The following C11orf42 variants were observed in gnomAD, a reference collection of about 807,000 sequenced individuals.
The protein encoded by C11orf42 is uncharacterized protein C11orf42.
In C11orf42, 24 loss-of-function variants were observed where a neutral mutation model predicts 27.9. That is an observed-to-expected ratio of 0.86 (90% CI 0.62 to 1.21). The LOEUF (loss-of-function observed/expected upper bound fraction) is 1.21. Ranked by LOEUF, C11orf42 falls within the 50% of genes most tolerant of loss-of-function variation. C11orf42 has a pLI of 0.00. For missense variants in C11orf42, 455 were observed against 424.1 expected (o/e 1.07, Z -0.64); for synonymous variants, 187 against 180.8 (o/e 1.03, Z -0.28).
Position 6,210,973 on chromosome 11 carries a change from C to G in C11orf42, c.933C>G (p.Asp311Glu). 6.2e-7 allele frequency: 1 copy of G among 1,606,852 alleles called. No homozygotes were observed. The highest frequency in any genetic ancestry group is 8.5e-7 in the Non-Finnish European group (1 of 1,178,014). ...PPGAQGGGPR[D>E]PDGHSMSLPL... ...GAGCCCAGGGTGGGGGCCCCAGGGA[C>G]CCCGACGGGCACTCCATGTCCCTGC... Residue 311 changes from aspartate to glutamate, a missense_variant, in exon 3 of 3, where the codon GAC becomes GAG. Transcript: ENST00000316375. The surrounding 1 kb of genome is among the most constrained non-coding windows in gnomAD (Gnocchi z 4.0).
Position 6,210,711 on chromosome 11 carries a change from A to G in C11orf42, c.871+63A>G, listed in dbSNP as rs75369006. On this transcript the variant is annotated intron_variant, in intron 2 of 2. Coordinates refer to ENST00000316375, the MANE Select transcript of C11orf42 (RefSeq NM_173525.3). The surrounding 1 kb of genome is among the most constrained non-coding windows in gnomAD (Gnocchi z 4.0). ...GGACAAAGTGAAGGAGGGAGAAGGC[A>G]TGAGAATTAAGTATGTGAGGAATCC... 6.5e-7 allele frequency: 1 copy of G among 1,543,988 alleles called. No homozygotes were observed. The highest frequency in any genetic ancestry group is 8.8e-7 in the Non-Finnish European group (1 of 1,131,360).
chr11:6,209,890 C>G lies in C11orf42; in HGVS notation c.113C>G (p.Pro38Arg). The change falls in exon 2 of 3, where the codon CCT becomes CGT. Residue 38 changes from proline (P) to arginine (R), a missense_variant. Transcript: ENST00000316375. ...EHFGPNAVAV[P>R]FLSDAACYDL... ...TTTGGGCCCAATGCAGTAGCAGTACCTTTCCTGTCAGATGCAGCCTGCTAT... is the reference window on the plus strand; with the variant it reads ...TTTGGGCCCAATGCAGTAGCAGTACGTTTCCTGTCAGATGCAGCCTGCTAT... 6.3e-7 allele frequency: 1 copy of G among 1,598,884 alleles called. No individual in the cohort carries two copies. The highest frequency in any genetic ancestry group is 8.6e-7 in the Non-Finnish European group (1 of 1,167,164).
chr11:6,210,106 A>G lies in C11orf42; in HGVS notation c.329A>G (p.Tyr110Cys), dbSNP rs1389759941. 1 of 1,614,086 alleles carries G rather than the reference A, an allele frequency of 6.2e-7. No individual in the cohort carries two copies. Among genetic ancestry groups the G allele is most frequent in the Non-Finnish European group, 8.5e-7 (1 of 1,180,046 alleles). The change falls in exon 2 of 3, where the codon TAT (tyrosine) becomes TGT (cysteine). Residue 110 changes from tyrosine to cysteine, a missense_variant. Tyr to Cys is a radical substitution (Grantham distance 194, BLOSUM62 -2). Coordinates refer to ENST00000316375, the MANE Select transcript of C11orf42 (RefSeq NM_173525.3). The surrounding 1 kb of genome is among the most constrained non-coding windows in gnomAD (Gnocchi z 4.0). ...YSPNGRAERA[Y>C]EETRMLDGQP... Reference sequence around the variant, plus strand: ...CCAAATGGCCGAGCAGAGAGAGCCTATGAAGAGACGCGAATGTTGGATGGA... The same window carrying G: ...CCAAATGGCCGAGCAGAGAGAGCCTGTGAAGAGACGCGAATGTTGGATGGA...
intron 1 of C11orf42, among the ~76,000 whole-genome samples, chr11:6,207,054 C>G (rs1846986511): frequency 6.6e-6 from 1 of 152,168 alleles, no homozygotes; most frequent in Non-Finnish European, 1.5e-5. Flanking sequence ...CAAGAGACAT[C>G]TAGGAAAACA....
chr11:6,211,005 T>G lies in C11orf42; in HGVS notation c.965T>G (p.Leu322Arg). ...GGGCACTCCATGTCCCTGCCCCTGC[T>G]GCAGGGTCTATCCTCAGAGTTCGAC... Reference protein sequence around the residue: ...PDGHSMSLPLLQGLSSEFDSD... With the variant: ...PDGHSMSLPLRQGLSSEFDSD... Residue 322 changes from leucine (L) to arginine (R), a missense_variant, in exon 3 of 3, where the codon CTG (leucine) becomes CGG (arginine). Leu to Arg is a moderately radical substitution (Grantham distance 102). Coordinates refer to ENST00000316375, the MANE Select transcript of C11orf42 (RefSeq NM_173525.3). 1 of 1,609,378 alleles carries G rather than the reference T, an allele frequency of 6.2e-7. No individual in the cohort carries two copies. Among genetic ancestry groups the G allele is most frequent in the Non-Finnish European group, 8.5e-7 (1 of 1,178,708 alleles).
rs1272209852 is a variant in C11orf42, at chr11:6,210,511, C to A, written c.734C>A (p.Thr245Lys). ...PLAPTSAPAD[T>K]TEAADVPPPV... ...GCCCCCACATCAGCACCTGCTGATA[C>A]AACTGAAGCTGCTGATGTGCCCCCA... Residue 245 changes from threonine to lysine, a missense_variant, in exon 2 of 3, where the codon ACA becomes AAA. Transcript: ENST00000316375. This position sits in a 1 kb window ranked among gnomAD's most constrained non-coding sequence, Gnocchi z 4.0. The A allele has an allele frequency of 1.2e-6, 2 of 1,613,774 alleles. No homozygotes were observed. The highest frequency in any genetic ancestry group is 2.2e-5 in the South Asian group (2 of 91,046).
Position 6,205,636 on chromosome 11 carries a change from C to T in C11orf42, c.21C>T (p.Asn7=). ...CCACCATGTTGGTGGGTACCCCCAA[C>T]CTGCTGACACTGGATGAAGCTGATG... is the stretch of plus-strand genomic sequence containing the variant. MLVGTP[N]LLTLDEADAT... Residue 7 remains asparagine, a synonymous_variant, in exon 1 of 3, where the codon AAC becomes AAT. Coordinates refer to ENST00000316375, the MANE Select transcript of C11orf42 (RefSeq NM_173525.3). The T allele has an allele frequency of 6.2e-7, 1 of 1,613,942 alleles. No homozygotes were observed. The highest frequency in any genetic ancestry group is 8.5e-7 in the Non-Finnish European group (1 of 1,179,884).
rs1847062039 is a variant in C11orf42 at position 6,211,114 on chromosome 11, C to T, written c.*72C>T. On this transcript the variant is annotated 3_prime_UTR_variant, in exon 3 of 3. Coordinates refer to ENST00000316375, the MANE Select transcript of C11orf42 (RefSeq NM_173525.3). ...AGGGGTACTGGTCTCTAATAAACAT[C>T]AGCTGCTGCTCCCCCAAACCATCCT... 2 of 1,570,896 alleles carry T rather than the reference C, an allele frequency of 1.3e-6. No individual in the cohort carries two copies. Among genetic ancestry groups the T allele is most frequent in the Non-Finnish European group, 1.7e-6 (2 of 1,162,420 alleles).
rs541082257 is a variant in C11orf42 at position 6,208,344 on chromosome 11, G to C, written c.73-1506G>C. ...AGAAGGCATATACTATGAGGTAAGA[G>C]ATATGGTATAAGAATGGACATTCCA... On this transcript the variant is annotated intron_variant, in intron 1 of 2. Transcript: ENST00000316375. 7.2e-5 allele frequency among the ~76,000 whole-genome samples: 11 copies of C among 152,290 alleles called. No individual in the cohort carries two copies. The South Asian group carries it at 2.3e-3, about 32-fold the overall frequency.
At chr11:6,207,057 G>A (rs1316141757) in intron 1 of C11orf42, among the ~76,000 whole-genome samples, 2 of 152,136 alleles carry the variant, frequency 1.3e-5, no homozygotes, top group Non-Finnish European at 2.9e-5. Flanking sequence ...GAGACATCTA[G>A]GAAAACAATA....
intron 1 of C11orf42, among the ~76,000 whole-genome samples, chr11:6,206,145 G>A (rs2133761186): frequency 6.6e-6 from 1 of 152,264 alleles, no homozygotes; most frequent in Middle Eastern, 3.4e-3. Context: ...TAAAAACAAG[G>A]AGAGGAAAAA....
In C11orf42 at chr11:6,210,859, G is replaced by A. The variant is rs148775522; in HGVS notation, c.872-53G>A. The A allele has an allele frequency of 2.4e-5, 36 of 1,527,916 alleles. No individual in the cohort carries two copies. The highest frequency in any genetic ancestry group is 2.9e-5 in the Non-Finnish European group (33 of 1,140,678). 94.6% of individuals were successfully genotyped at this position (1,527,916 alleles called of 1,614,324 possible). A position where few individuals can be genotyped will look rare whatever the true frequency, so the allele number is the denominator to read the frequency against. ...ACAGAGGACCAGAGGGAAAAGCTAGGGGGGGAAAAGACCAGCCATGAGTCA... is the reference window on the plus strand; with the variant it reads ...ACAGAGGACCAGAGGGAAAAGCTAGAGGGGGAAAAGACCAGCCATGAGTCA... On this transcript the variant is annotated intron_variant, in intron 2 of 2. Transcript: ENST00000316375. This position sits in a 1 kb window ranked among gnomAD's most constrained non-coding sequence, Gnocchi z 4.0.
rs1219945843 is a variant in C11orf42, at chr11:6,210,854, G to C, written c.872-58G>C. The C allele has an allele frequency of 2.0e-6, 3 of 1,516,304 alleles. No homozygotes were observed. Among genetic ancestry groups the C allele is most frequent in the Middle Eastern group, 4.7e-4 (2 of 4,212 alleles). The allele number at this position is 1,516,304 out of a possible 1,614,324, so 93.9% of individuals were successfully genotyped here. A position where few individuals can be genotyped will look rare whatever the true frequency, so the allele number is the denominator to read the frequency against. Reference sequence around the variant, plus strand: ...ATGGCACAGAGGACCAGAGGGAAAAGCTAGGGGGGGAAAAGACCAGCCATG... The same window carrying C: ...ATGGCACAGAGGACCAGAGGGAAAACCTAGGGGGGGAAAAGACCAGCCATG... On this transcript the variant is annotated intron_variant, in intron 2 of 2. Transcript: ENST00000316375. This position sits in a 1 kb window ranked among gnomAD's most constrained non-coding sequence, Gnocchi z 4.0.
intron 1 of C11orf42, among the ~76,000 whole-genome samples, chr11:6,207,082 T>C (rs1846986954): frequency 1.3e-5 from 2 of 152,154 alleles, no homozygotes; most frequent in South Asian, 4.1e-4. Flanking sequence ...ACCATCACTT[T>C]CCTGGGATGC....
At position 6,209,890 on chromosome 11, in the gene C11orf42, C is replaced by A. The variant is rs1183744715; in HGVS notation, c.113C>A (p.Pro38His). 3 of 1,598,766 alleles carry A rather than the reference C, an allele frequency of 1.9e-6. No individual in the cohort carries two copies. Among genetic ancestry groups the A allele is most frequent in the African/African-American group, 1.3e-5 (1 of 74,678 alleles). The change falls in exon 2 of 3, where the codon CCT becomes CAT. Residue 38 changes from proline (P) to histidine (H), a missense_variant. Pro to His is a moderately conservative substitution (Grantham distance 77). Coordinates refer to ENST00000316375, the MANE Select transcript of C11orf42 (RefSeq NM_173525.3). ...TTTGGGCCCAATGCAGTAGCAGTAC[C>A]TTTCCTGTCAGATGCAGCCTGCTAT... ...EHFGPNAVAV[P>H]FLSDAACYDL... is the part of the protein sequence containing the mutation.
At position 6,210,858 on chromosome 11, in the gene C11orf42, G is replaced by GC. The variant is rs961999202; in HGVS notation, c.872-54_872-53insC. On this transcript the variant is annotated intron_variant, in intron 2 of 2. Coordinates refer to ENST00000316375, the MANE Select transcript of C11orf42 (RefSeq NM_173525.3). The surrounding 1 kb of genome is among the most constrained non-coding windows in gnomAD (Gnocchi z 4.0). The stretch of plus-strand genomic sequence containing the variant: ...CACAGAGGACCAGAGGGAAAAGCTA[G>GC]GGGGGGAAAAGACCAGCCATGAGTC... 8.7e-5 allele frequency: 131 copies of GC among 1,510,890 alleles called. No individual in the cohort carries two copies. The highest frequency in any genetic ancestry group is 1.1e-4 in the Non-Finnish European group (124 of 1,132,140). 93.6% of individuals were successfully genotyped at this position (1,510,890 alleles called of 1,614,324 possible). A position where few individuals can be genotyped will look rare whatever the true frequency, so the allele number is the denominator to read the frequency against.
Position 6,211,100 on chromosome 11 carries a change from T to C in C11orf42, c.*58T>C. The C allele has an allele frequency of 6.3e-7, 1 of 1,588,426 alleles. No homozygotes were observed. Among genetic ancestry groups the C allele is most frequent in the South Asian group, 1.1e-5 (1 of 87,204 alleles). On this transcript the variant is annotated 3_prime_UTR_variant, in exon 3 of 3. Transcript: ENST00000316375. ...CCAAGATCTGGCATAGGGGTACTGG[T>C]CTCTAATAAACATCAGCTGCTGCTC...
Position 6,209,932 on chromosome 11 carries a change from T to G in C11orf42, c.155T>G (p.Leu52Arg), listed in dbSNP as rs372670793. The change falls in exon 2 of 3, where the codon CTG becomes CGG. Residue 52 changes from leucine (L) to arginine (R), a missense_variant. By Grantham distance (102) the Leu-to-Arg change is moderately radical. Transcript: ENST00000316375. ...GCCTGCTATGACCTACTGGGTGTGC[T>G]GGTAAAACAGTCCCGCCCAGCCCAT... ...DAACYDLLGV[L>R]VKQSRPAHTR... The G allele has an allele frequency of 3.7e-6, 6 of 1,609,294 alleles. No individual in the cohort carries two copies. Among genetic ancestry groups the G allele is most frequent in the Non-Finnish European group, 5.1e-6 (6 of 1,175,988 alleles).
At chr11:6,206,032 G>A (rs1846975862) in intron 1 of C11orf42, among the ~76,000 whole-genome samples, 1 of 152,140 alleles carries the variant, frequency 6.6e-6, no homozygotes, top group Admixed American at 6.5e-5. Context: ...CAAAGAGGGA[G>A]AGGAGAACCT....
Sources: gnomAD v4.1 joint callset for allele counts (sites outside exome capture counted in the v4.1 genomes callset) on GRCh38, gnomAD v4.1.1 for gene constraint, Gnocchi (gnomAD v3.1) non-coding constraint, MANE v1.5 for transcripts, NCBI Gene and HGNC (gene_info 2026-07-23, HGNC 2026-07-21) for gene names.